The following SLC37A1 variants were observed in gnomAD, a reference collection of about 807,000 sequenced individuals.
SLC37A1 encodes glucose-6-phosphate exchanger SLC37A1.
Under a neutral mutation model 75.3 loss-of-function variants are expected in SLC37A1, and 49 were observed. The ratio of observed to expected loss-of-function variants is 0.65; its 90% confidence interval spans 0.52 to 0.83. The LOEUF is 0.83. Among genes scored for constraint, SLC37A1 ranks in the 40% least tolerant of loss-of-function variants. The pLI is 0.00. For synonymous variants in SLC37A1, 268 were observed against 292.1 expected (o/e 0.92, Z 0.84); for missense variants, 566 against 695.0 (o/e 0.81, Z 2.09).
rs192657411 is a variant in SLC37A1, at chr21:42,524,932, G to A, written c.57-844G>A. ...CAGGGCAACCGACCACGTGATTAGAGGTTGGGACTCCACCCGTGGACCTCT... is the reference window on the plus strand; with the variant it reads ...CAGGGCAACCGACCACGTGATTAGAAGTTGGGACTCCACCCGTGGACCTCT... On this transcript the variant is annotated intron_variant, in intron 2 of 19. Coordinates refer to ENST00000352133, the MANE Select transcript of SLC37A1 (RefSeq NM_001320537.2). 1.9e-3 allele frequency among the ~76,000 whole-genome samples: 296 copies of A among 152,316 alleles called. 1 individual carries two copies. The highest frequency in any genetic ancestry group is 6.9e-3 in the African/African-American group (287 of 41,562).
intron 2 of SLC37A1, among the ~76,000 whole-genome samples, chr21:42,519,678 A>G (rs1287054086): frequency 6.6e-6 from 1 of 152,208 alleles, no homozygotes; most frequent in African/African-American, 2.4e-5. Flanking sequence ...TTGGTGGAGC[A>G]TCCACAGGGT....
At chr21:42,518,567 GT>G in intron 2 of SLC37A1, 57 bp downstream of exon 2, 4 of 1,575,840 alleles carry the variant, frequency 2.5e-6, no homozygotes, top group South Asian at 2.2e-5. Context: ...GAGGGCTACT[GT>G]GCAGGTAGTT....
chr21:42,546,932 TTTTG>T (rs2055421847), intron 8 of SLC37A1, among the ~76,000 whole-genome samples, 167 bp from the exon 9 acceptor site: 1 of 152,204 alleles, frequency 6.6e-6, no homozygotes, highest in African/African-American at 2.4e-5. Context: ...AGCTGCCCGC[TTTTG>T]TTTTTGTGGC....
At chr21:42,569,185 C>T (rs997408570) in intron 17 of SLC37A1, among the ~76,000 whole-genome samples, 23 of 152,278 alleles carry the variant, frequency 1.5e-4, no homozygotes, top group African/African-American at 5.5e-4. Context: ...CCAGTAAAGC[C>T]GAGTGTTTGG....
chr21:42,506,073 C>A (rs2054381734), intron 2 of SLC37A1, among the ~76,000 whole-genome samples: 1 of 152,212 alleles, frequency 6.6e-6, no homozygotes, highest in Non-Finnish European at 1.5e-5. Flanking sequence ...CCCTTGTATA[C>A]TTGCACGGTG....
intron 18 of SLC37A1, among the ~76,000 whole-genome samples, chr21:42,578,275 G>A (rs935355451): frequency 1.3e-5 from 2 of 152,166 alleles, no homozygotes; most frequent in African/African-American, 4.8e-5. Context: ...CTGGGCTCCT[G>A]GAGTTGGTAG....
chr21:42,576,663 A>G (rs1428175131), intron 18 of SLC37A1, among the ~76,000 whole-genome samples: 1 of 152,240 alleles, frequency 6.6e-6, no homozygotes, highest in Non-Finnish European at 1.5e-5. Context: ...GACCTCATGA[A>G]AAAAAGAACA....
chr21:42,577,031 C>T (rs188153829), intron 18 of SLC37A1, among the ~76,000 whole-genome samples: 4 of 152,310 alleles, frequency 2.6e-5, no homozygotes, highest in African/African-American at 9.6e-5. Flanking sequence ...GACAAACATT[C>T]TTAGATTCAG....
intron 16 of SLC37A1, 67 bp from the exon 17 acceptor site, chr21:42,568,293 T>TA (rs2147017080): frequency 7.7e-7 from 1 of 1,294,598 alleles, no homozygotes; most frequent in Non-Finnish European, 1.1e-6. Context: ...TAAATGGTCA[T>TA]ACAGAGGCTT....
chr21:42,531,947 A>T (rs1272859142), intron 3 of SLC37A1, among the ~76,000 whole-genome samples: 1 of 152,032 alleles, frequency 6.6e-6, no homozygotes, highest in East Asian at 1.9e-4. Flanking sequence ...AGGCGCCCGG[A>T]CTCACAGTGG....
intron 7 of SLC37A1, among the ~76,000 whole-genome samples, chr21:42,543,167 C>T (rs2055324138): frequency 6.6e-6 from 1 of 152,266 alleles, no homozygotes; most frequent in African/African-American, 2.4e-5. Flanking sequence ...CCTTCCAAGA[C>T]TTTCAGGGAA....
intron 6 of SLC37A1, among the ~76,000 whole-genome samples, chr21:42,539,968 G>A (rs556741867): frequency 6.6e-6 from 1 of 152,328 alleles, no homozygotes; most frequent in Admixed American, 6.5e-5. Flanking sequence ...TTTATCTTGC[G>A]AAAGATTTGA....
intron 6 of SLC37A1, among the ~76,000 whole-genome samples, chr21:42,540,677 C>T (rs1325449117): frequency 6.6e-6 from 1 of 152,172 alleles, no homozygotes; most frequent in African/African-American, 2.4e-5. Flanking sequence ...CCGAGGGAAG[C>T]TGCTGAAATA....
At chr21:42,499,878 G>A (rs1472532804) in intron 1 of SLC37A1, 6 of 152,362 alleles carry the variant, frequency 3.9e-5, no homozygotes, top group Non-Finnish European at 8.8e-5. Context: ...GCTGGTCAGG[G>A]TGCCTTCTGC....
chr21:42,560,906 C>T (rs1044893311), intron 11 of SLC37A1, among the ~76,000 whole-genome samples: 1 of 152,160 alleles, frequency 6.6e-6, no homozygotes, highest in Non-Finnish European at 1.5e-5. Flanking sequence ...TCAGAGGTCC[C>T]GCTCAAGCCT....
chr21:42,570,511 C>T (rs373187858), intron 17 of SLC37A1, among the ~76,000 whole-genome samples: 7 of 152,232 alleles, frequency 4.6e-5, no homozygotes, highest in East Asian at 3.9e-4. Context: ...AGTAGGAAGT[C>T]GGGGGACTGC....
Position 42,567,077 on chromosome 21 carries a change from G to C in SLC37A1, c.1344+19G>C, listed in dbSNP as rs761707591. The stretch of plus-strand genomic sequence containing the variant: ...CGACCTGGTGAGTAGAACCGGGAGA[G>C]ACACCAGCCCTGTGGGCACCCTGCC... On this transcript the variant is annotated intron_variant, in intron 16 of 19. Transcript: ENST00000352133. 6.2e-7 allele frequency: 1 copy of C among 1,607,822 alleles called. No homozygotes were observed. The highest frequency in any genetic ancestry group is 1.1e-5 in the South Asian group (1 of 90,864).
At chr21:42,518,139 G>A in intron 1 of SLC37A1, 138 bp from the exon 2 acceptor site, 2 of 346,976 alleles carry the variant, frequency 5.8e-6, no homozygotes, top group Non-Finnish European at 1.1e-5. Context: ...GCTGGTGGGG[G>A]CCCCTGCTTG....
In SLC37A1 at chr21:42,569,127, G is replaced by T. The variant is rs149771412; in HGVS notation, c.1423+689G>T. 3.7e-3 allele frequency among the ~76,000 whole-genome samples: 558 copies of T among 152,306 alleles called. 3 individuals are homozygous for T. Among genetic ancestry groups the T allele is most frequent in the African/African-American group, 0.013 (524 of 41,580 alleles). On this transcript the variant is annotated intron_variant, in intron 17 of 19. Coordinates refer to ENST00000352133, the MANE Select transcript of SLC37A1 (RefSeq NM_001320537.2). Reference sequence around the variant, plus strand: ...CTGGTGTGGCTGTCACAGCTAATAAGGAGGACCTGGGGTGCCAACCTGTGT... The same window carrying T: ...CTGGTGTGGCTGTCACAGCTAATAATGAGGACCTGGGGTGCCAACCTGTGT...
Sources: allele counts gnomAD v4.1 joint callset (sites outside exome capture counted in the v4.1 genomes callset), GRCh38; gene constraint gnomAD v4.1.1; transcripts MANE v1.5; gene names NCBI Gene and HGNC (gene_info 2026-07-23, HGNC 2026-07-21).